GLRA3: variants seen among roughly 807,000 people sequenced by gnomAD.
GLRA3 encodes the protein glycine receptor subunit alpha-3.
A neutral mutation model predicts 60.4 loss-of-function variants in GLRA3; 44 were observed. The observed-to-expected ratio is 0.73, with a 90% CI of 0.57 to 0.94. GLRA3 has a LOEUF of 0.94. Ranked by LOEUF, GLRA3 falls within the 40% of genes least tolerant of loss-of-function variation. The probability of loss-of-function intolerance (pLI) is 0.00; values close to 1 mark genes in which losing one functional copy is unlikely to be tolerated. For missense variants in GLRA3, 508 were observed against 564.6 expected (o/e 0.90, Z 1.02); for synonymous variants, 223 against 192.9 (o/e 1.16, Z -1.29).
chr4:174,794,322 A>T (rs1238639631), intron 1 of GLRA3, among the ~76,000 whole-genome samples: 11 of 152,176 alleles, frequency 7.2e-5, no homozygotes, highest in Admixed American at 7.2e-4. Flanking sequence ...ATTACTCCAA[A>T]TACAAGTAGT....
At chr4:174,737,395 T>C (rs1390299268) in intron 3 of GLRA3, among the ~76,000 whole-genome samples, 1 of 152,204 alleles carries the variant, frequency 6.6e-6, no homozygotes, top group Non-Finnish European at 1.5e-5. Context: ...GAATAGACAT[T>C]ATTGGCAAAA....
intron 3 of GLRA3, among the ~76,000 whole-genome samples, chr4:174,735,057 G>A (rs1736715381): frequency 6.6e-6 from 1 of 152,132 alleles, no homozygotes. Flanking sequence ...GTGCTGCACA[G>A]CTGTGCTCCA....
intron 3 of GLRA3, among the ~76,000 whole-genome samples, chr4:174,744,463 G>A (rs1210763053): frequency 5.3e-5 from 8 of 152,174 alleles, no homozygotes; most frequent in South Asian, 2.1e-4. Context: ...CCCACCTGGC[G>A]TCCCTGCCCC....
chr4:174,668,929 G>C (rs1464561983), intron 7 of GLRA3, among the ~76,000 whole-genome samples: 1 of 152,052 alleles, frequency 6.6e-6, no homozygotes, highest in Non-Finnish European at 1.5e-5. Context: ...ATTCAATCCT[G>C]GTGGATTGCC....
intron 5 of GLRA3, among the ~76,000 whole-genome samples, chr4:174,706,216 C>T (rs914833492): frequency 6.7e-6 from 1 of 148,344 alleles, no homozygotes; most frequent in Non-Finnish European, 1.5e-5. Flanking sequence ...GGCGAAAGGG[C>T]GAGACTCCGT....
chr4:174,801,750 T>A (rs1739821630), intron 1 of GLRA3, among the ~76,000 whole-genome samples: 1 of 152,082 alleles, frequency 6.6e-6, no homozygotes, highest in Non-Finnish European at 1.5e-5. Flanking sequence ...TAACTCTTAC[T>A]TTCATTATGA....
At chr4:174,799,018 T>C (rs1470878195) in intron 1 of GLRA3, among the ~76,000 whole-genome samples, 1 of 152,220 alleles carries the variant, frequency 6.6e-6, no homozygotes, top group Non-Finnish European at 1.5e-5. Context: ...CTTGTCACTG[T>C]CAGCAATGTG....
chr4:174,706,575 T>C (rs1735528632), intron 5 of GLRA3, among the ~76,000 whole-genome samples: 1 of 152,192 alleles, frequency 6.6e-6, no homozygotes, highest in Admixed American at 6.5e-5. Context: ...TTCATCCATA[T>C]TGAAGTTGAA....
chr4:174,798,191 C>T (rs966834204), intron 1 of GLRA3, among the ~76,000 whole-genome samples: 5 of 152,060 alleles, frequency 3.3e-5, no homozygotes, highest in Non-Finnish European at 7.4e-5. Context: ...AAGAATGACT[C>T]TTGGGGAACA....
At chr4:174,647,411 G>A (rs1029273660) in intron 9 of GLRA3, among the ~76,000 whole-genome samples, 90 of 134,912 alleles carry the variant, frequency 6.7e-4, no homozygotes, top group Non-Finnish European at 6.1e-4. Context: ...CCCATCTCAA[G>A]AAAAAAAAAA....
chr4:174,776,345 C>G (rs1275546777), intron 2 of GLRA3, among the ~76,000 whole-genome samples: 1 of 152,072 alleles, frequency 6.6e-6, no homozygotes, highest in African/African-American at 2.4e-5. Context: ...AATGGCCCTC[C>G]TATAGCACCC....
chr4:174,706,752 A>G (rs1735535841), intron 5 of GLRA3, among the ~76,000 whole-genome samples: 1 of 145,338 alleles, frequency 6.9e-6, no homozygotes, highest in African/African-American at 2.5e-5. Context: ...CTGATGCTAT[A>G]TGGAATCTCA....
intron 1 of GLRA3, among the ~76,000 whole-genome samples, chr4:174,804,844 C>CAGG (rs1739970273): frequency 6.6e-6 from 1 of 152,106 alleles, no homozygotes; most frequent in Non-Finnish European, 1.5e-5. Context: ...TTGGTCAGAC[C>CAGG]AGGTGTGCCA....
rs1482406742 is a variant in GLRA3 at position 174,791,759 on chromosome 4, G to A, written c.72-2816C>T. Among the ~76,000 whole-genome samples the A allele has an allele frequency of 2.6e-5, 4 of 152,176 alleles. No homozygotes were observed. The South Asian group carries it at 6.2e-4, about 24-fold the overall frequency. ...TTGGTCCATATATTTTCGTTTCTTT[G>A]AGAAACTTGTAACTTTTATTGAAAA... is the stretch of plus-strand genomic sequence containing the variant. On this transcript the variant is annotated intron_variant, in intron 1 of 9. Coordinates refer to ENST00000274093, the MANE Select transcript of GLRA3 (RefSeq NM_006529.4).
At chr4:174,683,015 T>A in intron 5 of GLRA3, 76 bp from the exon 6 acceptor site, 1 of 1,178,038 alleles carries the variant, frequency 8.5e-7, no homozygotes, top group Non-Finnish European at 1.2e-6. Flanking sequence ...TACTTTATAG[T>A]CACATAGGAT....
chr4:174,717,288 GAGAAAGAAAGAAAA>G (rs1735962904), intron 4 of GLRA3, among the ~76,000 whole-genome samples: 1 of 143,050 alleles, frequency 7.0e-6, no homozygotes, highest in Non-Finnish European at 1.5e-5. Context: ...GAGAAAGAGA[GAGAAAGAAAGAAAA>G]AGAAAGAAGG....
intron 1 of GLRA3, among the ~76,000 whole-genome samples, chr4:174,808,219 G>C (rs1285261923): frequency 6.6e-6 from 1 of 151,904 alleles, no homozygotes; most frequent in Non-Finnish European, 1.5e-5. Context: ...TAATATAAGG[G>C]TATTATTCAG....
intron 1 of GLRA3, among the ~76,000 whole-genome samples, chr4:174,818,348 G>C (rs111389720): frequency 1.2e-4 from 18 of 152,138 alleles, no homozygotes; most frequent in African/African-American, 4.3e-4. Context: ...AGCTTTTCCA[G>C]TGTAATATTT....
rs145891174 is a variant in GLRA3, at chr4:174,650,351, G to A, written c.1117-6287C>T. Among the ~76,000 whole-genome samples, 9 of 152,296 alleles carry A rather than the reference G, an allele frequency of 5.9e-5. No individual in the cohort carries two copies. The East Asian group carries it at 1.7e-3, about 29-fold the overall frequency. ...GAGATCTAAAGCACGCAGTAGCCAA[G>A]CTGGTCCCTCTGAGGTCTTAACATT... On this transcript the variant is annotated intron_variant, in intron 9 of 9. Transcript: ENST00000274093.
Sources: allele counts gnomAD v4.1 joint callset (sites outside exome capture counted in the v4.1 genomes callset), GRCh38; gene constraint gnomAD v4.1.1; transcripts MANE v1.5; gene names NCBI Gene and HGNC (gene_info 2026-07-23, HGNC 2026-07-21).